ADAMTSL3: variants seen among roughly 807,000 people sequenced by gnomAD.
ADAMTSL3 encodes ADAMTS-like protein 3.
ADAMTSL3 carries 128 observed loss-of-function variants against 201.7 expected under a neutral mutation model. The observed-to-expected ratio is 0.63, with a 90% CI of 0.55 to 0.73. ADAMTSL3 has a LOEUF of 0.73. Ranked by LOEUF, ADAMTSL3 falls within the 30% of genes least tolerant of loss-of-function variation. The pLI is 0.00. For synonymous variants in ADAMTSL3, 738 were observed against 748.4 expected (o/e 0.99, Z 0.23); for missense variants, 1,990 against 2,119.6 (o/e 0.94, Z 1.20).
intron 3 of ADAMTSL3, among the ~76,000 whole-genome samples, chr15:83,740,518 A>C (rs2062437754): frequency 6.6e-6 from 1 of 152,234 alleles, no homozygotes; most frequent in African/African-American, 2.4e-5. Context: ...TATTAAGAGA[A>C]AACTTTATGA....
rs184983657 is a variant in ADAMTSL3 at position 83,707,941 on chromosome 15, A to G, written c.189+3433A>G. 3.3e-5 allele frequency among the ~76,000 whole-genome samples: 5 copies of G among 152,308 alleles called. No individual in the cohort carries two copies. The East Asian group carries it at 9.7e-4, about 29-fold the overall frequency. On this transcript the variant is annotated intron_variant, in intron 3 of 29. Transcript: ENST00000286744. ...AAAGGTTTTCAGAGCAGTCTCTCCAAAGATTTCATACCTGGGGAAATGGTG... is the reference window on the plus strand; with the variant it reads ...AAAGGTTTTCAGAGCAGTCTCTCCAGAGATTTCATACCTGGGGAAATGGTG...
intron 2 of ADAMTSL3, among the ~76,000 whole-genome samples, chr15:83,700,304 C>T (rs2061753810): frequency 6.6e-6 from 1 of 152,208 alleles, no homozygotes; most frequent in African/African-American, 2.4e-5. Context: ...CACTGACCTC[C>T]TTTCTATTTT....
intron 3 of ADAMTSL3, among the ~76,000 whole-genome samples, chr15:83,714,508 C>T (rs1270107217): frequency 6.6e-6 from 1 of 152,166 alleles, no homozygotes; most frequent in African/African-American, 2.4e-5. Context: ...CACTGTTCCT[C>T]CCCCTGCCAT....
chr15:83,986,554 A>G (rs2067479050), intron 21 of ADAMTSL3, among the ~76,000 whole-genome samples: 1 of 152,172 alleles, frequency 6.6e-6, no homozygotes, highest in Non-Finnish European at 1.5e-5. Flanking sequence ...ATCCATTTTC[A>G]TTTCTATTTT....
intron 27 of ADAMTSL3, among the ~76,000 whole-genome samples, chr15:84,028,350 A>C (rs2068347314): frequency 6.6e-6 from 1 of 152,236 alleles, no homozygotes; most frequent in Non-Finnish European, 1.5e-5. Context: ...ACATACACCA[A>C]AATAAATTCT....
At chr15:83,732,329 G>C (rs748323777) in intron 3 of ADAMTSL3, among the ~76,000 whole-genome samples, 7 of 151,954 alleles carry the variant, frequency 4.6e-5, no homozygotes, top group Non-Finnish European at 1.0e-4. Flanking sequence ...ACACTAAAGG[G>C]CATCCTTTAT....
At chr15:83,713,241 T>C (rs764077392) in intron 3 of ADAMTSL3, among the ~76,000 whole-genome samples, 28 of 152,192 alleles carry the variant, frequency 1.8e-4, no homozygotes, top group Admixed American at 3.3e-4. Flanking sequence ...CCTCATGTAG[T>C]GGGGGAACCC....
At chr15:83,812,229 C>G (rs1358747088) in intron 5 of ADAMTSL3, among the ~76,000 whole-genome samples, 1 of 152,114 alleles carries the variant, frequency 6.6e-6, no homozygotes, top group Non-Finnish European at 1.5e-5. Context: ...AGTCTGCAAC[C>G]CACCCCACCT....
chr15:83,687,656 A>G (rs1178343888), intron 2 of ADAMTSL3, among the ~76,000 whole-genome samples: 2 of 152,156 alleles, frequency 1.3e-5, no homozygotes, highest in Admixed American at 6.5e-5. Flanking sequence ...TAACATACTG[A>G]TAAGCTACAT....
At chr15:84,021,190 C>T (rs1343891995) in intron 25 of ADAMTSL3, among the ~76,000 whole-genome samples, 2 of 152,140 alleles carry the variant, frequency 1.3e-5, no homozygotes, top group Non-Finnish European at 2.9e-5. Context: ...GACTGTGGTC[C>T]AAGGACCCCA....
chr15:83,877,048 C>T (rs1255074127), intron 9 of ADAMTSL3, among the ~76,000 whole-genome samples: 1 of 152,156 alleles, frequency 6.6e-6, no homozygotes, highest in Non-Finnish European at 1.5e-5. Flanking sequence ...CCCACATCAG[C>T]CGCCCAAACT....
At chr15:83,986,353 A>G (rs1404511381) in intron 21 of ADAMTSL3, among the ~76,000 whole-genome samples, 1 of 152,204 alleles carries the variant, frequency 6.6e-6, no homozygotes, top group Non-Finnish European at 1.5e-5. Flanking sequence ...CATTTTAAAT[A>G]GATTGACTTG....
intron 3 of ADAMTSL3, among the ~76,000 whole-genome samples, chr15:83,734,151 C>T (rs2062331864): frequency 6.6e-6 from 1 of 152,018 alleles, no homozygotes; most frequent in Non-Finnish European, 1.5e-5. Context: ...GGCATTAAGT[C>T]CAGATAGTAA....
At chr15:83,915,047 C>T (rs3934135) in intron 16 of ADAMTSL3, among the ~76,000 whole-genome samples, 95,366 of 152,002 alleles carry the variant, frequency 0.63, 31,009 homozygotes, top group African/African-American at 0.79. Context: ...CCTGGAACTT[C>T]CTACTGTATG....
chr15:83,930,646 C>A lies in ADAMTSL3; in HGVS notation c.2117+6613C>A, dbSNP rs1378376240. Among the ~76,000 whole-genome samples, 4 of 152,204 alleles carry A rather than the reference C, an allele frequency of 2.6e-5. No homozygotes were observed. In the East Asian group the frequency reaches 7.7e-4, roughly 29 times the overall value. On this transcript the variant is annotated intron_variant, in intron 17 of 29. Coordinates refer to ENST00000286744, the MANE Select transcript of ADAMTSL3 (RefSeq NM_207517.3). ...TAATAGAGCAGACAACATGTCTTGG[C>A]CACTTTGCAAAATTAAGAGTCTGTT... is the stretch of plus-strand genomic sequence containing the variant.
At chr15:83,755,217 G>A (rs1202699424) in intron 3 of ADAMTSL3, among the ~76,000 whole-genome samples, 1 of 151,814 alleles carries the variant, frequency 6.6e-6, no homozygotes, top group Non-Finnish European at 1.5e-5. Flanking sequence ...GAACACCTTG[G>A]TGTTGCCTGT....
intron 7 of ADAMTSL3, among the ~76,000 whole-genome samples, chr15:83,853,598 AATTAC>A (rs1288596825): frequency 6.6e-6 from 1 of 152,170 alleles, no homozygotes; most frequent in Non-Finnish European, 1.5e-5. Flanking sequence ...TAATATAGTA[AATTAC>A]ATTAGTAGGT....
intron 4 of ADAMTSL3, among the ~76,000 whole-genome samples, chr15:83,784,888 T>C (rs570667952): frequency 3.9e-5 from 6 of 152,284 alleles, no homozygotes; most frequent in African/African-American, 1.4e-4. Flanking sequence ...ATATCTTTTC[T>C]TTCATGGTAG....
At chr15:83,894,364 A>G (rs1025009482) in intron 13 of ADAMTSL3, among the ~76,000 whole-genome samples, 1 of 152,334 alleles carries the variant, frequency 6.6e-6, no homozygotes, top group South Asian at 2.1e-4. Flanking sequence ...TTCTTCACAT[A>G]TATTTAGGTT....
Sources: allele counts gnomAD v4.1 joint callset (sites outside exome capture counted in the v4.1 genomes callset), GRCh38; gene constraint gnomAD v4.1.1; transcripts MANE v1.5; gene names NCBI Gene and HGNC (gene_info 2026-07-23, HGNC 2026-07-21).